The following MTIF2 variants were observed in gnomAD, a reference collection of about 807,000 sequenced individuals.
MTIF2 encodes mitochondrial translational initiation factor 2, also known as translation initiation factor IF-2, mitochondrial.
MTIF2 carries 71 observed loss-of-function variants against 83.5 expected under a neutral mutation model. That is an observed-to-expected ratio of 0.85 (90% CI 0.70 to 1.04). The LOEUF is 1.04. Among genes scored for constraint, MTIF2 ranks in the 50% least tolerant of loss-of-function variants. The probability of loss-of-function intolerance (pLI) is 0.00; values close to 1 mark genes in which losing one functional copy is unlikely to be tolerated. For missense variants in MTIF2, 957 were observed against 846.5 expected (o/e 1.13, Z -1.62); for synonymous variants, 319 against 287.1 (o/e 1.11, Z -1.12).
chr2:55,251,886 A>G (rs1558566077), intron 8 of MTIF2, among the ~76,000 whole-genome samples: 1 of 152,212 alleles, frequency 6.6e-6, no homozygotes, highest in Non-Finnish European at 1.5e-5. Context: ...TCGGCCTCCC[A>G]AAGTGCTGGG....
At chr2:55,238,592 T>C (rs1676070009) in intron 14 of MTIF2, among the ~76,000 whole-genome samples, 1 of 152,102 alleles carries the variant, frequency 6.6e-6, no homozygotes, top group African/African-American at 2.4e-5. Flanking sequence ...GGTTTCACCA[T>C]GTTGGTCAGA....
rs200624898 is a variant in MTIF2 at position 55,254,665 on chromosome 2, A to G, written c.492T>C (p.Asp164=). 3 of 1,600,628 alleles carry G rather than the reference A, an allele frequency of 1.9e-6. No homozygotes were observed. Among genetic ancestry groups the G allele is most frequent in the African/African-American group, 2.7e-5 (2 of 74,368 alleles). ...LKQDKVRKNK[D]AVRRPQADPA... ...CAGTTAAGTTTTACCTTCTTACAGC[A>G]TCTTTATTTTTTCTGACTTTGTCCT... is the stretch of plus-strand genomic sequence containing the variant. Residue 164 remains aspartate (D), a synonymous_variant, in exon 6 of 16, where the codon GAT becomes GAC. Transcript: ENST00000263629.
At chr2:55,258,443 T>C (rs1308775255) in intron 5 of MTIF2, among the ~76,000 whole-genome samples, 2 of 152,030 alleles carry the variant, frequency 1.3e-5, no homozygotes, top group Non-Finnish European at 2.9e-5. Flanking sequence ...CCGAGGTGGG[T>C]GGATCACCTG....
intron 14 of MTIF2, among the ~76,000 whole-genome samples, chr2:55,237,921 A>C (rs58485503): frequency 0.076 from 11,545 of 152,070 alleles, 1,406 homozygotes; most frequent in African/African-American, 0.26. Context: ...AAAGTGCTGA[A>C]ATTACAGGCG....
chr2:55,268,172 G>C (rs886749174), intron 2 of MTIF2, among the ~76,000 whole-genome samples: 2 of 151,990 alleles, frequency 1.3e-5, no homozygotes, highest in African/African-American at 2.4e-5. Flanking sequence ...AGAATCGCTT[G>C]AACCCAGGAG....
chr2:55,238,693 G>A (rs1323177033), intron 14 of MTIF2, among the ~76,000 whole-genome samples: 1 of 152,034 alleles, frequency 6.6e-6, no homozygotes, highest in Non-Finnish European at 1.5e-5. Flanking sequence ...GCCCGGCCGA[G>A]TCTGTTTTTT....
chr2:55,254,806 T>C lies in MTIF2; in HGVS notation c.351A>G (p.Leu117=), dbSNP rs772637965. 8.2e-6 allele frequency: 13 copies of C among 1,595,022 alleles called. No individual in the cohort carries two copies. Among genetic ancestry groups the C allele is most frequent in the Admixed American group, 1.8e-5 (1 of 55,802 alleles). The change falls in exon 6 of 16, where the codon TTA becomes TTG. Residue 117 remains leucine, a synonymous_variant. Transcript: ENST00000263629. Reference sequence around the variant, plus strand: ...AATCTATGTCAATATCAGTGTTCAATAAAGCTTCATATACATAATCTGATT... The same window carrying C: ...AATCTATGTCAATATCAGTGTTCAACAAAGCTTCATATACATAATCTGATT... ...EKNTDYVYEA[L]LNTDIDIDSL...
intron 14 of MTIF2, among the ~76,000 whole-genome samples, chr2:55,238,212 C>G (rs1459461293): frequency 6.6e-6 from 1 of 150,404 alleles, no homozygotes; most frequent in African/African-American, 2.4e-5. Context: ...TTATTTTTAT[C>G]TTTCTTGTTG....
At chr2:55,264,277 G>A (rs921958461) in intron 3 of MTIF2, among the ~76,000 whole-genome samples, 2 of 152,174 alleles carry the variant, frequency 1.3e-5, no homozygotes, top group Non-Finnish European at 2.9e-5. Context: ...CAGGCTGGAG[G>A]CTGGAATGCA....
chr2:55,243,018 C>G lies in MTIF2; in HGVS notation c.1627G>C (p.Glu543Gln). The G allele has an allele frequency of 6.2e-7, 1 of 1,609,586 alleles. No homozygotes were observed. Residue 543 changes from glutamate (E) to glutamine (Q), a missense_variant, in exon 13 of 16, where the codon GAG becomes CAG. Glu to Gln is a conservative substitution (Grantham distance 29, BLOSUM62 2). Around this residue, in one of 3 missense-constraint regions of MTIF2, gnomAD observed 733 missense variants for 648.7 expected, o/e 1.13. Transcript: ENST00000263629. The part of the protein sequence containing the change: ...NIIDTYDASH[E>Q]CELELVHFGV... The stretch of plus-strand genomic sequence containing the variant: ...AAATGTACTAATTCTAGTTCACACT[C>G]GTGTGAAGCATCATAGGTATCTATA...
At chr2:55,258,234 C>T (rs1445524685) in intron 5 of MTIF2, among the ~76,000 whole-genome samples, 3 of 152,196 alleles carry the variant, frequency 2.0e-5, no homozygotes, top group South Asian at 2.1e-4. Flanking sequence ...ACTGATTGTA[C>T]TCCACAATAA....
At position 55,246,275 on chromosome 2, in the gene MTIF2, A is replaced by G. The variant is rs556028598; in HGVS notation, c.1106+62T>C. 2.1e-5 allele frequency: 31 copies of G among 1,504,150 alleles called. No homozygotes were observed. In the South Asian group the frequency reaches 3.9e-4, roughly 19 times the overall value. The allele number at this position is 1,504,150 out of a possible 1,614,324, so 93.2% of individuals were successfully genotyped here. On this transcript the variant is annotated intron_variant, in intron 10 of 15. Coordinates refer to ENST00000263629, the MANE Select transcript of MTIF2 (RefSeq NM_002453.3). Reference sequence around the variant, plus strand: ...CATGTAACAAAAATAATACATTGTCATATAATCAAGTCACGAAAACCACAG... The same window carrying G: ...CATGTAACAAAAATAATACATTGTCGTATAATCAAGTCACGAAAACCACAG...
At chr2:55,259,233 CAGG>C (rs1319999783) in intron 5 of MTIF2, among the ~76,000 whole-genome samples, 2 of 152,036 alleles carry the variant, frequency 1.3e-5, no homozygotes, top group African/African-American at 4.8e-5. Flanking sequence ...TTAACTGACC[CAGG>C]AGAAGAGGGA....
At chr2:55,269,130 AC>A (rs1036376965) in intron 1 of MTIF2, 38 bp downstream of exon 1, 1 of 152,312 alleles carries the variant, frequency 6.6e-6, no homozygotes, top group Non-Finnish European at 1.5e-5. Context: ...CCTGCACCGG[AC>A]AACCCTGGTT....
chr2:55,237,404 A>G lies in MTIF2; in HGVS notation c.1895T>C (p.Phe632Ser). ...PVGEASILAT[F>S]SVTEGKKKVP... ...TTTTTTCTTCCCTTCTGTTACAGAG[A>G]AGGTAGCTAGTATAGATGCCTCACC... is the stretch of plus-strand genomic sequence containing the variant. The change falls in exon 15 of 16, where the codon TTC (phenylalanine) becomes TCC (serine). Residue 632 changes from phenylalanine to serine, a missense_variant. Coordinates refer to ENST00000263629, the MANE Select transcript of MTIF2 (RefSeq NM_002453.3). The G allele has an allele frequency of 1.2e-6, 2 of 1,612,538 alleles. No homozygotes were observed. The highest frequency in any genetic ancestry group is 1.7e-6 in the Non-Finnish European group (2 of 1,179,856).
At chr2:55,255,591 T>A (rs1677454035) in intron 5 of MTIF2, among the ~76,000 whole-genome samples, 1 of 151,004 alleles carries the variant, frequency 6.6e-6, no homozygotes, top group Non-Finnish European at 1.5e-5. Flanking sequence ...GCATATTTTC[T>A]CTGTAAGGCA....
Position 55,244,153 on chromosome 2 carries a change from A to G in MTIF2, c.1187T>C (p.Val396Ala). 2 of 1,614,152 alleles carry G rather than the reference A, an allele frequency of 1.2e-6. No homozygotes were observed. The highest frequency in any genetic ancestry group is 2.2e-5 in the South Asian group (2 of 91,084). The change falls in exon 11 of 16, where the codon GTA becomes GCA. Residue 396 changes from valine (V) to alanine (A), a missense_variant. Val to Ala is a moderately conservative substitution (Grantham distance 64). Around this residue, in one of 3 missense-constraint regions of MTIF2, gnomAD observed 733 missense variants for 648.7 expected, o/e 1.13. Coordinates refer to ENST00000263629, the MANE Select transcript of MTIF2 (RefSeq NM_002453.3). ...TCCATTTTCATCAAACATTAAGCGTACTTTTGCCCAACATTTTCCAGCAAC... is the reference window on the plus strand; with the variant it reads ...TCCATTTTCATCAAACATTAAGCGTGCTTTTGCCCAACATTTTCCAGCAAC... ...VLVAGKCWAK[V>A]RLMFDENGKT...
At chr2:55,247,784 C>T (rs912115872) in intron 9 of MTIF2, among the ~76,000 whole-genome samples, 1 of 152,192 alleles carries the variant, frequency 6.6e-6, no homozygotes, top group Non-Finnish European at 1.5e-5. Context: ...AATCCCCTCC[C>T]TTCCCTTGGA....
intron 14 of MTIF2, among the ~76,000 whole-genome samples, chr2:55,238,426 T>C (rs1676055142): frequency 6.9e-6 from 1 of 145,450 alleles, no homozygotes; most frequent in Non-Finnish European, 1.5e-5. Flanking sequence ...GTTTCGCTCT[T>C]GTTGCCCAGG....
Sources: gnomAD v4.1 joint callset for allele counts (sites outside exome capture counted in the v4.1 genomes callset) on GRCh38, gnomAD v4.1.1 for gene constraint, gnomAD v4.1.1 regional missense constraint, MANE v1.5 for transcripts, NCBI Gene and HGNC (gene_info 2026-07-23, HGNC 2026-07-21) for gene names.